The following CELSR1 variants were observed in gnomAD, a reference collection of about 807,000 sequenced individuals.
The protein encoded by CELSR1 is cadherin EGF LAG seven-pass G-type receptor 1, also known as adhesion G protein-coupled receptor C1.
CELSR1 carries 110 observed loss-of-function variants against 249.1 expected under a neutral mutation model. That is an observed-to-expected ratio of 0.44 (90% CI 0.38 to 0.52). The LOEUF is 0.52. CELSR1 is among the 20% of genes least tolerant of loss of function. The pLI, the probability that CELSR1 is intolerant of heterozygous loss-of-function variation, is 0.00. For synonymous variants in CELSR1, 2,113 were observed against 1,900.0 expected (o/e 1.11, Z -2.92); for missense variants, 4,109 against 4,296.4 (o/e 0.96, Z 1.22).
In CELSR1 at chr22:46,445,434, C is replaced by A. The variant is rs967619204; in HGVS notation, c.4184-6023G>T. Among the ~76,000 whole-genome samples the A allele has an allele frequency of 6.6e-6, 1 of 152,094 alleles. No homozygotes were observed. The highest frequency in any genetic ancestry group is 1.5e-5 in the Non-Finnish European group (1 of 68,016). On this transcript the variant is annotated intron_variant, in intron 2 of 34. Transcript: ENST00000674500. The surrounding 1 kb of genome is among the most constrained non-coding windows in gnomAD (Gnocchi z 4.4). ...TCTTGAATCCAGGAGGTAGAGATTG[C>A]GGTGAACCAAAAATTGCACCATTGC...
At chr22:46,530,879 C>T (rs144350800) in intron 1 of CELSR1, among the ~76,000 whole-genome samples, 129 of 152,298 alleles carry the variant, frequency 8.5e-4, no homozygotes, top group African/African-American at 2.9e-3. Flanking sequence ...TAAACGTAGT[C>T]GATGGCTGGC....
chr22:46,464,939 G>C lies in CELSR1; in HGVS notation c.3545-594C>G, dbSNP rs1039899562. ...CCCACTTAGCTCGGCTGTACCCCAC[G>C]CAACTCCACATGCCCAGCACACAGG... On this transcript the variant is annotated intron_variant, in intron 1 of 34. Coordinates refer to ENST00000674500, the MANE Select transcript of CELSR1 (RefSeq NM_001378328.1). The surrounding 1 kb of genome is among the most constrained non-coding windows in gnomAD (Gnocchi z 8.5). 2.6e-5 allele frequency among the ~76,000 whole-genome samples: 4 copies of C among 152,126 alleles called. No homozygotes were observed. The highest frequency in any genetic ancestry group is 9.7e-5 in the African/African-American group (4 of 41,412).
At chr22:46,439,092 G>C in intron 3 of CELSR1, 97 bp downstream of exon 3, 1 of 1,171,910 alleles carries the variant, frequency 8.5e-7, no homozygotes, top group Non-Finnish European at 1.2e-6. Context: ...CACACACGGA[G>C]GACATCAACG....
intron 2 of CELSR1, among the ~76,000 whole-genome samples, chr22:46,455,166 G>A (rs2079932972): frequency 6.6e-6 from 1 of 152,198 alleles, no homozygotes; most frequent in Admixed American, 6.5e-5. Flanking sequence ...TTCAGAAAGA[G>A]CACAGCCCTG....
In CELSR1 at chr22:46,369,673, G is replaced by A. The variant is rs370281256; in HGVS notation, c.7872+19C>T. The A allele has an allele frequency of 1.8e-5, 29 of 1,605,984 alleles. No homozygotes were observed. The highest frequency in any genetic ancestry group is 4.5e-5 in the East Asian group (2 of 44,828). ...GCATGTTTGGGGCACCCGGACTCCCGTGAAGGCCCCACACTCACGATTATA... is the reference window on the plus strand; with the variant it reads ...GCATGTTTGGGGCACCCGGACTCCCATGAAGGCCCCACACTCACGATTATA... On this transcript the variant is annotated intron_variant, in intron 26 of 34. Transcript: ENST00000674500.
chr22:46,448,598 T>C lies in CELSR1; in HGVS notation c.4184-9187A>G. The C allele has an allele frequency of 2.3e-6, 1 of 432,702 alleles. No individual in the cohort carries two copies. Among genetic ancestry groups the C allele is most frequent in the South Asian group, 1.7e-5 (1 of 57,970 alleles). 26.8% of individuals were successfully genotyped at this position (432,702 alleles called of 1,614,324 possible). A position where few individuals can be genotyped will look rare whatever the true frequency, so the allele number is the denominator to read the frequency against. ...GAGCTTTGAACTAGAAAAACTAGAA[T>C]TTCCAAAGGCCACAATGGTAAAACT... On this transcript the variant is annotated intron_variant, in intron 2 of 34. Coordinates refer to ENST00000674500, the MANE Select transcript of CELSR1 (RefSeq NM_001378328.1). The surrounding 1 kb of genome is among the most constrained non-coding windows in gnomAD (Gnocchi z 5.7).
In CELSR1 at chr22:46,412,569, G is replaced by A. The variant is rs2079350991; in HGVS notation, c.4612-810C>T. Among the ~76,000 whole-genome samples the A allele has an allele frequency of 6.6e-6, 1 of 151,858 alleles. No homozygotes were observed. The highest frequency in any genetic ancestry group is 1.5e-5 in the Non-Finnish European group (1 of 67,892). ...TCTTCTGGAATCAGTGACCTTGGGT[G>A]AAACCTTTCCCTTCTCCAAGAGACT... On this transcript the variant is annotated intron_variant, in intron 5 of 34. Transcript: ENST00000674500. The surrounding 1 kb of genome is among the most constrained non-coding windows in gnomAD (Gnocchi z 4.5).
At chr22:46,514,675 G>C (rs2080608254) in intron 1 of CELSR1, among the ~76,000 whole-genome samples, 1 of 152,192 alleles carries the variant, frequency 6.6e-6, no homozygotes, top group African/African-American at 2.4e-5. Context: ...AAAGAGAAGA[G>C]TCACTCCCCG....
Position 46,463,695 on chromosome 22 carries a change from C to T in CELSR1, c.4183+12G>A. The T allele has an allele frequency of 1.3e-6, 2 of 1,509,848 alleles. No individual in the cohort carries two copies. Among genetic ancestry groups the T allele is most frequent in the East Asian group, 4.6e-5 (2 of 43,514 alleles). The allele number at this position is 1,509,848 out of a possible 1,614,324, so 93.5% of individuals were successfully genotyped here. ...ACATGTACACAAAGCCAGGGTGAGC[C>T]CGGGCACCTACCAGTGAAGTCCTCG... On this transcript the variant is annotated intron_variant, in intron 2 of 34. Transcript: ENST00000674500.
At chr22:46,397,432 T>C (rs2079160928) in intron 12 of CELSR1, among the ~76,000 whole-genome samples, 1 of 152,092 alleles carries the variant, frequency 6.6e-6, no homozygotes, top group African/African-American at 2.4e-5. Context: ...TACTTTTCAC[T>C]GTTTCTTTGC....
rs376451609 is a variant in CELSR1, at chr22:46,411,384, C to A, written c.4769+218G>T. On this transcript the variant is annotated intron_variant, in intron 6 of 34. Transcript: ENST00000674500. This position sits in a 1 kb window ranked among gnomAD's most constrained non-coding sequence, Gnocchi z 4.2. ...AAGCTGGCCATCACAACCCTGGGGT[C>A]GGCCTGGCCACTCTTGACACATACT... Among the ~76,000 whole-genome samples, 9 of 152,288 alleles carry A rather than the reference C, an allele frequency of 5.9e-5. No individual in the cohort carries two copies. The highest frequency in any genetic ancestry group is 2.2e-4 in the African/African-American group (9 of 41,556).
chr22:46,505,628 A>G (rs2064263), intron 1 of CELSR1, among the ~76,000 whole-genome samples: 119,025 of 152,000 alleles, frequency 0.78, 46,952 homozygotes, highest in East Asian at 0.98. Context: ...GTGACAGAGT[A>G]AGACCTGGTC....
rs922944014 is a variant in CELSR1 at position 46,472,070 on chromosome 22, C to T, written c.3545-7725G>A. ...ATTCCTCCCAGGCCTGGAGCGGCTCCGCGGCACCTCAAAAGCGATCAAGTG... is the reference window on the plus strand; with the variant it reads ...ATTCCTCCCAGGCCTGGAGCGGCTCTGCGGCACCTCAAAAGCGATCAAGTG... On this transcript the variant is annotated intron_variant, in intron 1 of 34. Coordinates refer to ENST00000674500, the MANE Select transcript of CELSR1 (RefSeq NM_001378328.1). The surrounding 1 kb of genome is among the most constrained non-coding windows in gnomAD (Gnocchi z 7.0). Among the ~76,000 whole-genome samples the T allele has an allele frequency of 6.6e-6, 1 of 152,136 alleles. No individual in the cohort carries two copies. The highest frequency in any genetic ancestry group is 2.4e-5 in the African/African-American group (1 of 41,432).
chr22:46,467,570 C>T (rs1056912850), intron 1 of CELSR1, among the ~76,000 whole-genome samples: 2 of 151,966 alleles, frequency 1.3e-5, no homozygotes, highest in Admixed American at 6.6e-5. Flanking sequence ...CTCCTGTAAT[C>T]CCAGCACTTT....
intron 23 of CELSR1, among the ~76,000 whole-genome samples, chr22:46,377,940 A>G (rs747976983): frequency 1.3e-5 from 2 of 152,120 alleles, no homozygotes; most frequent in Non-Finnish European, 2.9e-5. Flanking sequence ...GGGGGAGGCT[A>G]CCCAGGCCCC....
chr22:46,530,252 G>C (rs2080778331), intron 1 of CELSR1: 1 of 152,242 alleles, frequency 6.6e-6, no homozygotes, highest in Admixed American at 6.6e-5. Context: ...TGGGGCAAGA[G>C]AGCAAGACCC....
intron 1 of CELSR1, among the ~76,000 whole-genome samples, chr22:46,525,462 AAG>A (rs1491077140): frequency 2.8e-5 from 4 of 140,776 alleles, no homozygotes; most frequent in African/African-American, 1.1e-4. Context: ...AAAAAAAAAA[AAG>A]AGGGTTGTTT....
intron 20 of CELSR1, among the ~76,000 whole-genome samples, chr22:46,382,798 A>C (rs2078993232): frequency 6.6e-6 from 1 of 152,242 alleles, no homozygotes; most frequent in South Asian, 2.1e-4. Context: ...AGCCAATCAC[A>C]AAAGGACAAA....
In CELSR1 at chr22:46,454,854, G is replaced by A. The variant is rs1025932694; in HGVS notation, c.4183+8853C>T. 2.6e-5 allele frequency among the ~76,000 whole-genome samples: 4 copies of A among 152,198 alleles called. No individual in the cohort carries two copies. Among genetic ancestry groups the A allele is most frequent in the Admixed American group, 1.3e-4 (2 of 15,288 alleles). On this transcript the variant is annotated intron_variant, in intron 2 of 34. Transcript: ENST00000674500. The surrounding 1 kb of genome is among the most constrained non-coding windows in gnomAD (Gnocchi z 5.1). Reference sequence around the variant, plus strand: ...AGCTCCTCAGCGAAGGAGCACCCACGGCTGAATTGTGTCCCCAGAAAGATA... The same window carrying A: ...AGCTCCTCAGCGAAGGAGCACCCACAGCTGAATTGTGTCCCCAGAAAGATA...
Sources: gnomAD v4.1 joint callset for allele counts (sites outside exome capture counted in the v4.1 genomes callset) on GRCh38, gnomAD v4.1.1 for gene constraint, Gnocchi (gnomAD v3.1) non-coding constraint, MANE v1.5 for transcripts, NCBI Gene and HGNC (gene_info 2026-07-23, HGNC 2026-07-21) for gene names.